DCHS2: variants seen among roughly 807,000 people sequenced by gnomAD.
The protein encoded by DCHS2 is protocadherin-23.
Under a neutral mutation model 182.4 loss-of-function variants are expected in DCHS2, and 142 were observed. The ratio of observed to expected loss-of-function variants is 0.78; its 90% CI spans 0.68 to 0.89. The LOEUF (loss-of-function observed/expected upper bound fraction) is 0.89. Ranked by LOEUF, DCHS2 falls within the 40% of genes least tolerant of loss-of-function variation. DCHS2 has a pLI of 0.00. For synonymous variants in DCHS2, 1,740 were observed against 1,663.3 expected, an observed-to-expected ratio of 1.05 and a Z score of -1.12; for missense variants, 4,319 against 4,198.6, an observed-to-expected ratio of 1.03 and a Z score of -0.79.
chr4:154,480,552 T>A (rs1735880204), intron 1 of DCHS2, among the ~76,000 whole-genome samples: 1 of 152,190 alleles, frequency 6.6e-6, no homozygotes, highest in South Asian at 2.1e-4. Context: ...TTCAAAAGCA[T>A]GAAGGAGATG....
Position 154,490,343 on chromosome 4 carries a change from C to G in DCHS2, c.1013G>C (p.Arg338Pro), listed in dbSNP as rs754392392. ...NGFVRYSVRA[R>P]QVPGAGSGGG... ...GCCGCTACCCGCCCCAGGCACTTGC[C>G]GGGCGCGGACGCTGTAGCGCACGAA... Residue 338 changes from arginine to proline, a missense_variant, in exon 1 of 20, where the codon CGG (arginine) becomes CCG (proline). Physicochemically the swap from Arg to Pro is moderately radical, Grantham distance 103 (BLOSUM62 -2). Coordinates refer to ENST00000357232, the MANE Select transcript of DCHS2 (RefSeq NM_001358235.2). The G allele has an allele frequency of 4.6e-5, 71 of 1,540,780 alleles. No individual in the cohort carries two copies. The highest frequency in any genetic ancestry group is 3.1e-4 in the South Asian group (26 of 83,890).
rs750022860 is a variant in DCHS2, at chr4:154,329,651, C to T, written c.3790G>A (p.Val1264Met). Reference sequence around the variant, plus strand: ...GGGGAGCCGCGGTCTGTCACTAGCACAGTCATCTCATGGTGCCCCCGGTGC... The same window carrying T: ...GGGGAGCCGCGGTCTGTCACTAGCATAGTCATCTCATGGTGCCCCCGGTGC... ...REHRGHHEMT[V>M]LVTDRGSPPR... The change falls in exon 6 of 20, where the codon GTG becomes ATG. Residue 1264 changes from valine (V) to methionine (M), a missense_variant. Val to Met is a conservative substitution (Grantham distance 21, BLOSUM62 1). Coordinates refer to ENST00000357232, the MANE Select transcript of DCHS2 (RefSeq NM_001358235.2). 22 of 1,612,290 alleles carry T rather than the reference C, an allele frequency of 1.4e-5. No homozygotes were observed. The Admixed American group carries it at 3.3e-4, about 24-fold the overall frequency.
At chr4:154,293,507 C>T (rs774159681) in intron 13 of DCHS2, among the ~76,000 whole-genome samples, 3 of 152,090 alleles carry the variant, frequency 2.0e-5, no homozygotes, top group Non-Finnish European at 4.4e-5. Context: ...TTAAATCTCC[C>T]TTGGTATTTC....
chr4:154,294,635 C>T (rs535317647), intron 13 of DCHS2, among the ~76,000 whole-genome samples: 2 of 152,242 alleles, frequency 1.3e-5, no homozygotes, highest in South Asian at 4.2e-4. Context: ...AAATATTAAC[C>T]CTTTACATTT....
At chr4:154,361,342 A>T (rs973297255) in intron 3 of DCHS2, among the ~76,000 whole-genome samples, 5 of 152,192 alleles carry the variant, frequency 3.3e-5, no homozygotes, top group Non-Finnish European at 5.9e-5. Flanking sequence ...AGTTGAAAAA[A>T]AAGTAGTTTC....
chr4:154,447,996 T>C (rs1489249746), intron 1 of DCHS2, among the ~76,000 whole-genome samples: 1 of 152,170 alleles, frequency 6.6e-6, no homozygotes, highest in African/African-American at 2.4e-5. Context: ...TCCTATTCCC[T>C]CTTCAAACTA....
At chr4:154,325,316 CGT>C (rs75589397) in intron 7 of DCHS2, among the ~76,000 whole-genome samples, 11,153 of 142,408 alleles carry the variant, frequency 0.078, 548 homozygotes, top group African/African-American at 0.13. Context: ...GGATTATAGC[CGT>C]GTGTGTGTGT....
rs1736434908 is a variant in DCHS2 at position 154,329,614 on chromosome 4, G to A, written c.3827C>T (p.Ala1276Val). 2 of 1,613,018 alleles carry A rather than the reference G, an allele frequency of 1.2e-6. No individual in the cohort carries two copies. Among genetic ancestry groups the A allele is most frequent in the Non-Finnish European group, 1.7e-6 (2 of 1,179,884 alleles). Residue 1276 changes from alanine (A) to valine (V), a missense_variant, in exon 6 of 20, where the codon GCC (alanine) becomes GTC (valine). Physicochemically the swap from Ala to Val is moderately conservative, Grantham distance 64. Coordinates refer to ENST00000357232, the MANE Select transcript of DCHS2 (RefSeq NM_001358235.2). Reference sequence around the variant, plus strand: ...AACTGAGACGTAAACCGCCATGGTGGCGTTTCGTGGTGGGGAGCCGCGGTC... The same window carrying A: ...AACTGAGACGTAAACCGCCATGGTGACGTTTCGTGGTGGGGAGCCGCGGTC... ...VTDRGSPPRN[A>V]TMAVYVSVTD...
intron 3 of DCHS2, among the ~76,000 whole-genome samples, chr4:154,335,819 A>G (rs1300457541): frequency 6.6e-6 from 1 of 152,264 alleles, no homozygotes; most frequent in Non-Finnish European, 1.5e-5. Context: ...GAGTTAAAAC[A>G]TTAGACATTT....
At chr4:154,452,547 C>A (rs546139051) in intron 1 of DCHS2, among the ~76,000 whole-genome samples, 1 of 152,088 alleles carries the variant, frequency 6.6e-6, no homozygotes, top group South Asian at 2.1e-4. Context: ...TCTCTTGAAC[C>A]CAGGAGGCAG....
intron 5 of DCHS2, among the ~76,000 whole-genome samples, chr4:154,331,041 T>A (rs1347913396): frequency 1.3e-5 from 2 of 152,074 alleles, no homozygotes; most frequent in Admixed American, 6.6e-5. Flanking sequence ...CAAGTCCTGG[T>A]CACTTGTAGG....
chr4:154,361,285 ACCCAGGTAACTTCACCTGCACATGTATC>A (rs1380463524), intron 3 of DCHS2, among the ~76,000 whole-genome samples: 17 of 152,106 alleles, frequency 1.1e-4, no homozygotes, highest in African/African-American at 4.1e-4. Flanking sequence ...TATGCATTAT[ACCCAGGTAACTTCACCTGCACATGTATC>A]CCCTGAATCT....
chr4:154,298,635 C>T lies in DCHS2; in HGVS notation c.5679G>A (p.Arg1893=), dbSNP rs754481512. The change falls in exon 13 of 20, where the codon CGG becomes CGA. Residue 1893 remains arginine, a synonymous_variant. Coordinates refer to ENST00000357232, the MANE Select transcript of DCHS2 (RefSeq NM_001358235.2). ...CAAGGGTAAAATTGCTGATTTGCTC[C>T]CGGTCCAAAGCACGAGTGGTTGAGA... ...GELSTTRALD[R]EQISNFTLVI... is the part of the protein sequence containing the mutation. The T allele has an allele frequency of 6.2e-7, 1 of 1,613,870 alleles. No homozygotes were observed. The highest frequency in any genetic ancestry group is 8.5e-7 in the Non-Finnish European group (1 of 1,179,900).
intron 1 of DCHS2, among the ~76,000 whole-genome samples, chr4:154,475,290 G>C (rs4696213): frequency 0.71 from 108,655 of 151,972 alleles, 39,856 homozygotes; most frequent in East Asian, 0.85. Flanking sequence ...ATATTTCAGA[G>C]TGGCTCTGGA....
In DCHS2 at chr4:154,284,275, T is replaced by G. The variant is rs182601773; in HGVS notation, c.6463+13576A>C. On this transcript the variant is annotated intron_variant, in intron 13 of 19. Coordinates refer to ENST00000357232, the MANE Select transcript of DCHS2 (RefSeq NM_001358235.2). ...CCAATTAAAAACAAAAATAAAATCCTGTTATTTCTACCAAATGTTTTATTC... is the reference window on the plus strand; with the variant it reads ...CCAATTAAAAACAAAAATAAAATCCGGTTATTTCTACCAAATGTTTTATTC... 1.1e-3 allele frequency among the ~76,000 whole-genome samples: 172 copies of G among 152,342 alleles called. 1 individual carries two copies. The highest frequency in any genetic ancestry group is 6.8e-3 in the Middle Eastern group (2 of 294).
chr4:154,440,493 C>T (rs190066184), intron 1 of DCHS2, among the ~76,000 whole-genome samples: 173 of 152,088 alleles, frequency 1.1e-3, no homozygotes, highest in African/African-American at 3.7e-3. Context: ...CCTAATTGCC[C>T]GCATGAAATT....
At chr4:154,485,434 G>A (rs1728551705) in intron 1 of DCHS2, among the ~76,000 whole-genome samples, 1 of 152,206 alleles carries the variant, frequency 6.6e-6, no homozygotes, top group South Asian at 2.1e-4. Context: ...AGTGATGGGA[G>A]AAGGTCAGAA....
chr4:154,388,879 A>T (rs2110840905), intron 1 of DCHS2, among the ~76,000 whole-genome samples: 1 of 152,298 alleles, frequency 6.6e-6, no homozygotes, highest in East Asian at 1.9e-4. Context: ...ATTGTATTTG[A>T]TAGGCATTGG....
rs1736044060 is a variant in DCHS2, at chr4:154,321,073, A to G, written c.4326T>C (p.Ser1442=). 1.9e-6 allele frequency: 3 copies of G among 1,609,766 alleles called. No individual in the cohort carries two copies. The highest frequency in any genetic ancestry group is 2.6e-6 in the Non-Finnish European group (3 of 1,176,374). The change falls in exon 9 of 20, where the codon AGT becomes AGC. Residue 1442 remains serine (S), a synonymous_variant. Coordinates refer to ENST00000357232, the MANE Select transcript of DCHS2 (RefSeq NM_001358235.2). ...GTCCATCCTTATCATCTGCAACAAT[A>G]CTAAAATGTAACTTTCCATTATAAT... ...QQHYNGKLHF[S]IVADDKDGHF...
Sources: gnomAD v4.1 joint callset for allele counts (sites outside exome capture counted in the v4.1 genomes callset) on GRCh38, gnomAD v4.1.1 for gene constraint, MANE v1.5 for transcripts, NCBI Gene and HGNC (gene_info 2026-07-23, HGNC 2026-07-21) for gene names.